WWOX: variants seen among roughly 807,000 people sequenced by gnomAD.
WWOX encodes WW domain-containing oxidoreductase.
WWOX carries 69 observed loss-of-function variants against 46.2 expected under a neutral mutation model. The observed-to-expected ratio is 1.49, with a 90% CI of 1.23 to 1.82. The LOEUF (loss-of-function observed/expected upper bound fraction) is 1.82, where lower values mean the gene tolerates loss of function less well. Among genes scored for constraint, WWOX ranks in the 40% most tolerant of loss-of-function variants. The probability of loss-of-function intolerance (pLI) is 0.00; values close to 1 mark genes in which losing one functional copy is unlikely to be tolerated. For missense variants in WWOX, 919 were observed against 542.6 expected, an observed-to-expected ratio of 1.69 and a Z score of -6.89; for synonymous variants, 359 against 202.6, an observed-to-expected ratio of 1.77 and a Z score of -6.56.
intron 8 of WWOX, among the ~76,000 whole-genome samples, chr16:78,938,961 A>C (rs961650711): frequency 6.6e-6 from 1 of 152,178 alleles, no homozygotes; most frequent in East Asian, 1.9e-4. Context: ...CAAAGGTAGA[A>C]TATGAAGTGT....
chr16:78,707,984 C>T lies in WWOX; in HGVS notation c.1056+275232C>T, dbSNP rs549649160. 4.6e-5 allele frequency among the ~76,000 whole-genome samples: 7 copies of T among 152,238 alleles called. No homozygotes were observed. In the East Asian group the frequency reaches 9.6e-4, roughly 21 times the overall value. ...AATGGAATAGTAAATAACACTTGAT[C>T]TTTGGTCTTCTGACCTGAAATCCCA... On this transcript the variant is annotated intron_variant, in intron 8 of 8. Transcript: ENST00000566780.
At chr16:78,281,725 C>T (rs1053961537) in intron 5 of WWOX, among the ~76,000 whole-genome samples, 3 of 151,796 alleles carry the variant, frequency 2.0e-5, no homozygotes, top group Admixed American at 6.6e-5. Context: ...TTATTCTTTC[C>T]CCCCCGCCCC....
intron 8 of WWOX, chr16:78,756,940 GA>G (rs2049664172): frequency 1.4e-6 from 1 of 702,968 alleles, no homozygotes. Flanking sequence ...TTCACTCTAG[GA>G]AAAGCCAGCT....
chr16:78,855,191 T>G (rs1024041052), intron 8 of WWOX, among the ~76,000 whole-genome samples: 3 of 152,306 alleles, frequency 2.0e-5, no homozygotes, highest in African/African-American at 7.2e-5. Context: ...AATAGATTAC[T>G]GTCTTCATTA....
Position 78,409,554 on chromosome 16 carries a change from C to T in WWOX, c.606-15316C>T, listed in dbSNP as rs143716843. On this transcript the variant is annotated intron_variant, in intron 6 of 8. Coordinates refer to ENST00000566780, the MANE Select transcript of WWOX (RefSeq NM_016373.4). ...CTGCTAAATTACCCCCAAGACCTAG[C>T]GACTTAAAACAGCAAACATACACTA... Among the ~76,000 whole-genome samples, 349 of 152,252 alleles carry T rather than the reference C, an allele frequency of 2.3e-3. 5 individuals are homozygous for T. Among genetic ancestry groups the T allele is most frequent in the Admixed American group, 0.02 (309 of 15,298 alleles).
chr16:78,638,014 G>C (rs996791978), intron 8 of WWOX, among the ~76,000 whole-genome samples: 2 of 152,114 alleles, frequency 1.3e-5, no homozygotes, highest in Non-Finnish European at 2.9e-5. Context: ...CAGTGTTTGA[G>C]TTCTTCCCTG....
At chr16:78,388,508 G>A (rs551831981) in intron 6 of WWOX, among the ~76,000 whole-genome samples, 1 of 152,112 alleles carries the variant, frequency 6.6e-6, no homozygotes, top group East Asian at 1.9e-4. Context: ...TTAGCTGGGT[G>A]TAGTGGTGCA....
At chr16:78,159,236 T>C (rs2034704725) in intron 4 of WWOX, among the ~76,000 whole-genome samples, 1 of 152,136 alleles carries the variant, frequency 6.6e-6, no homozygotes, top group African/African-American at 2.4e-5. Context: ...TTCCATGTCT[T>C]GGCTAGTATG....
chr16:78,870,542 A>T (rs192156984), intron 8 of WWOX, among the ~76,000 whole-genome samples: 1 of 151,868 alleles, frequency 6.6e-6, no homozygotes, highest in Non-Finnish European at 1.5e-5. Flanking sequence ...TCTTTTAAAT[A>T]TGTAATTCTT....
intron 8 of WWOX, among the ~76,000 whole-genome samples, chr16:78,487,659 C>T (rs1597153781): frequency 6.6e-6 from 1 of 152,122 alleles, no homozygotes; most frequent in Admixed American, 6.5e-5. Flanking sequence ...TCCCTGACCT[C>T]TAGCCATTAG....
chr16:78,860,170 T>A (rs1373340441), intron 8 of WWOX, among the ~76,000 whole-genome samples: 1 of 152,186 alleles, frequency 6.6e-6, no homozygotes, highest in Non-Finnish European at 1.5e-5. Flanking sequence ...AAAATGTAGA[T>A]TGTATTAGTT....
chr16:78,640,527 C>A (rs1157251713), intron 8 of WWOX, among the ~76,000 whole-genome samples: 1 of 152,062 alleles, frequency 6.6e-6, no homozygotes, highest in African/African-American at 2.4e-5. Flanking sequence ...AAACAACCAC[C>A]CGTGCTGAAT....
intron 8 of WWOX, among the ~76,000 whole-genome samples, chr16:79,079,706 T>C (rs1415880138): frequency 6.6e-6 from 1 of 152,218 alleles, no homozygotes; most frequent in Non-Finnish European, 1.5e-5. Flanking sequence ...TAATTGTGAT[T>C]ACAACATAAT....
At chr16:78,490,042 C>T (rs554581437) in intron 8 of WWOX, among the ~76,000 whole-genome samples, 1 of 152,282 alleles carries the variant, frequency 6.6e-6, no homozygotes, top group South Asian at 2.1e-4. Flanking sequence ...ACATAATTAA[C>T]CCTCTGGGGA....
At chr16:78,556,756 C>T (rs1319266367) in intron 8 of WWOX, among the ~76,000 whole-genome samples, 1 of 151,802 alleles carries the variant, frequency 6.6e-6, no homozygotes, top group Non-Finnish European at 1.5e-5. Flanking sequence ...CGCTTTTTTG[C>T]CCAGCCTGGA....
intron 8 of WWOX, among the ~76,000 whole-genome samples, chr16:78,852,713 C>T (rs2052476827): frequency 6.6e-6 from 1 of 152,082 alleles, no homozygotes; most frequent in South Asian, 2.1e-4. Context: ...TAATACAGAG[C>T]CCATATGCGC....
intron 8 of WWOX, among the ~76,000 whole-genome samples, chr16:78,827,677 A>AC (rs575695362): frequency 0.29 from 22,395 of 77,564 alleles, 1,692 homozygotes; most frequent in Admixed American, 0.38. Flanking sequence ...TACTAAAAAT[A>AC]AAAAAAAAAA....
chr16:78,233,612 C>T (rs545565536), intron 5 of WWOX, among the ~76,000 whole-genome samples: 43 of 150,792 alleles, frequency 2.9e-4, no homozygotes, highest in African/African-American at 8.1e-4. Flanking sequence ...TTGCAAGCTC[C>T]GCCTCCCGGG....
rs762994364 is a variant in WWOX at position 78,339,454 on chromosome 16, T to C, written c.517-47406T>C. ...CTTTTTGCTTGGTGCACAGGAATAC[T>C]TGGTGATGTTCTTTTTAAAACTGCC... On this transcript the variant is annotated intron_variant, in intron 5 of 8. Transcript: ENST00000566780. 2.5e-5 allele frequency among the ~76,000 whole-genome samples: 3 copies of C among 119,004 alleles called. 1 individual carries two copies. Among genetic ancestry groups the C allele is most frequent in the Non-Finnish European group, 6.0e-5 (3 of 50,114 alleles). 78.1% of individuals were successfully genotyped at this position (119,004 alleles called of 152,430 possible). A position where few individuals can be genotyped will look rare whatever the true frequency, so the allele number is the denominator to read the frequency against.
Sources: gnomAD v4.1 joint callset for allele counts (sites outside exome capture counted in the v4.1 genomes callset) on GRCh38, gnomAD v4.1.1 for gene constraint, MANE v1.5 for transcripts, NCBI Gene and HGNC (gene_info 2026-07-23, HGNC 2026-07-21) for gene names.